MAST4: variants seen among roughly 807,000 people sequenced by gnomAD.
MAST4 encodes microtubule associated serine/threonine kinase family member 4.
A neutral mutation model predicts 162.7 loss-of-function variants in MAST4; 89 were observed. The ratio of observed to expected loss-of-function variants is 0.55; its 90% CI spans 0.46 to 0.65. The LOEUF is 0.65. MAST4 is among the 30% of genes least tolerant of loss of function. MAST4 has a pLI of 0.00. For missense variants in MAST4, 3,153 were observed against 3,374.0 expected (o/e 0.93, Z 1.62); for synonymous variants, 1,479 against 1,361.1 (o/e 1.09, Z -1.91).
At chr5:66,707,464 C>T (rs1420638352) in intron 1 of MAST4, among the ~76,000 whole-genome samples, 1 of 152,150 alleles carries the variant, frequency 6.6e-6, no homozygotes, top group Non-Finnish European at 1.5e-5. Context: ...AATGAATTTT[C>T]TCATAGTTCT....
chr5:66,862,706 G>T (rs906728982), intron 3 of MAST4, among the ~76,000 whole-genome samples: 1 of 152,152 alleles, frequency 6.6e-6, no homozygotes, highest in Non-Finnish European at 1.5e-5. Flanking sequence ...CCCAATAATT[G>T]AATTTACTCG....
At chr5:66,701,393 A>T (rs1372739613) in intron 1 of MAST4, among the ~76,000 whole-genome samples, 3 of 152,162 alleles carry the variant, frequency 2.0e-5, no homozygotes, top group Non-Finnish European at 4.4e-5. Context: ...AGTAAGGTGC[A>T]TCCCCGTGTC....
At chr5:66,906,255 C>A (rs947112940) in intron 4 of MAST4, among the ~76,000 whole-genome samples, 10 of 152,162 alleles carry the variant, frequency 6.6e-5, no homozygotes, top group Non-Finnish European at 1.5e-4. Flanking sequence ...GCATGTCTGA[C>A]CCTCTCTTCT....
rs77094000 is a variant in MAST4, at chr5:66,778,384, G to T, written c.518-10286G>T. 1.6e-4 allele frequency among the ~76,000 whole-genome samples: 24 copies of T among 152,282 alleles called. No homozygotes were observed. The East Asian group carries it at 4.4e-3, about 28-fold the overall frequency. ...GGCTGGGCCTCATTGCAGAATGGGA[G>T]AATTTGCTGGGTGTTGGTAAACCCA... is the stretch of plus-strand genomic sequence containing the variant. On this transcript the variant is annotated intron_variant, in intron 2 of 28. Transcript: ENST00000403625.
At chr5:67,121,979 T>C (rs537097757) in intron 14 of MAST4, among the ~76,000 whole-genome samples, 6 of 152,248 alleles carry the variant, frequency 3.9e-5, no homozygotes, top group East Asian at 1.9e-4. Context: ...ATTTTCAAAA[T>C]TGAACTGTAT....
At chr5:66,894,932 C>A (rs928422316) in intron 3 of MAST4, among the ~76,000 whole-genome samples, 6 of 152,060 alleles carry the variant, frequency 3.9e-5, no homozygotes. Context: ...GATCATGTAA[C>A]CCTCACAGGA....
Position 66,702,542 on chromosome 5 carries a change from G to T in MAST4, c.364-57167G>T, listed in dbSNP as rs115701592. On this transcript the variant is annotated intron_variant, in intron 1 of 28. Transcript: ENST00000403625. ...TTGGTCAAGGAAGGCCTTTCGGTTA[G>T]GGTAACATTTGGGTAGAGGCCAGAA... Among the ~76,000 whole-genome samples, 618 of 152,286 alleles carry T rather than the reference G, an allele frequency of 4.1e-3. 2 individuals carry two copies. Among genetic ancestry groups the T allele is most frequent in the Non-Finnish European group, 5.2e-3 (351 of 68,032 alleles).
At chr5:66,783,814 C>T (rs141252758) in intron 2 of MAST4, among the ~76,000 whole-genome samples, 253 of 152,192 alleles carry the variant, frequency 1.7e-3, no homozygotes, top group African/African-American at 5.5e-3. Context: ...GTATTGAAAG[C>T]GTGGCTCAGA....
chr5:67,070,260 G>T (rs1331303778), intron 5 of MAST4, among the ~76,000 whole-genome samples: 2 of 152,160 alleles, frequency 1.3e-5, no homozygotes, highest in Non-Finnish European at 2.9e-5. Flanking sequence ...ATCAAGAGAT[G>T]TACATACCTC....
chr5:67,021,630 C>T (rs1461712094), intron 4 of MAST4, among the ~76,000 whole-genome samples: 1 of 152,098 alleles, frequency 6.6e-6, no homozygotes, highest in African/African-American at 2.4e-5. Context: ...AAAGTGAATT[C>T]ACAGTTTCTT....
intron 14 of MAST4, among the ~76,000 whole-genome samples, chr5:67,124,157 A>G (rs924570710): frequency 5.9e-5 from 9 of 152,126 alleles, no homozygotes; most frequent in African/African-American, 2.2e-4. Context: ...TGGCTCAGAG[A>G]GAATTAGGGT....
chr5:67,142,532 A>G lies in MAST4; in HGVS notation c.2729A>G (p.Lys910Arg). The part of the protein sequence containing the change: ...QFSSCSHRFS[K>R]VFSSIDRITQ... The stretch of plus-strand genomic sequence containing the variant: ...TCTTCATGTTCACACAGGTTTTCAA[A>G]AGTAAGTGAAATGTGGCATAAACAT... Residue 910 changes from lysine (K) to arginine (R), a missense_variant and splice_region_variant, in exon 21 of 29, where the codon AAA becomes AGA. Lys to Arg is a conservative substitution (Grantham distance 26). Around this residue, in one of 7 missense-constraint regions of MAST4, gnomAD observed 619 missense variants for 744.2 expected, o/e 0.83. Coordinates refer to ENST00000403625, the MANE Select transcript of MAST4 (RefSeq NM_001164664.2). The G allele has an allele frequency of 6.5e-7, 1 of 1,550,322 alleles. No homozygotes were observed. Among genetic ancestry groups the G allele is most frequent in the Non-Finnish European group, 8.8e-7 (1 of 1,138,844 alleles).
chr5:66,715,540 G>T (rs1236290732), intron 1 of MAST4, among the ~76,000 whole-genome samples: 1 of 136,550 alleles, frequency 7.3e-6, no homozygotes, highest in Non-Finnish European at 1.6e-5. Context: ...GGAGGGGGGA[G>T]GTATAGCATT....
chr5:66,927,377 C>T (rs1423084733), intron 4 of MAST4, among the ~76,000 whole-genome samples: 2 of 152,218 alleles, frequency 1.3e-5, no homozygotes, highest in Non-Finnish European at 2.9e-5. Flanking sequence ...TTGACAGCTA[C>T]ATATCCAGGT....
intron 4 of MAST4, among the ~76,000 whole-genome samples, chr5:67,006,112 G>T (rs1157864127): frequency 1.3e-5 from 2 of 152,134 alleles, no homozygotes; most frequent in Non-Finnish European, 2.9e-5. Context: ...AGTTTTTCAT[G>T]GTTTCTTACA....
chr5:67,144,512 T>A (rs1294598686), intron 21 of MAST4, among the ~76,000 whole-genome samples, 157 bp from the exon 22 acceptor site: 2 of 152,104 alleles, frequency 1.3e-5, no homozygotes, highest in East Asian at 3.8e-4. Flanking sequence ...CCTTCCTCTC[T>A]GGATTCTGGT....
chr5:66,862,722 A>G (rs892570718), intron 3 of MAST4, among the ~76,000 whole-genome samples: 8 of 152,224 alleles, frequency 5.3e-5, no homozygotes, highest in African/African-American at 1.9e-4. Context: ...ACTCGTCTAT[A>G]AAACAGAGTG....
chr5:66,825,144 AT>A (rs1410824490), intron 3 of MAST4, among the ~76,000 whole-genome samples: 1 of 152,128 alleles, frequency 6.6e-6, no homozygotes, highest in Non-Finnish European at 1.5e-5. Flanking sequence ...TTCTTTCGCA[AT>A]ATCACTTAGC....
At chr5:66,728,789 A>G (rs1358274301) in intron 1 of MAST4, among the ~76,000 whole-genome samples, 1 of 152,188 alleles carries the variant, frequency 6.6e-6, no homozygotes, top group Non-Finnish European at 1.5e-5. Flanking sequence ...TTTGGAAAAC[A>G]TGGCAAAGTC....
Sources: gnomAD v4.1 joint callset for allele counts (sites outside exome capture counted in the v4.1 genomes callset) on GRCh38, gnomAD v4.1.1 for gene constraint, gnomAD v4.1.1 regional missense constraint, MANE v1.5 for transcripts, NCBI Gene and HGNC (gene_info 2026-07-23, HGNC 2026-07-21) for gene names.